The following SNAP25 variants were observed in gnomAD, a reference collection of about 807,000 sequenced individuals.
SNAP25 encodes synaptosomal-associated protein 25.
In SNAP25, 3 loss-of-function variants were observed where a neutral mutation model predicts 28.7. The ratio of observed to expected loss-of-function variants is 0.10; its 90% CI spans 0.05 to 0.27. The LOEUF (loss-of-function observed/expected upper bound fraction) is 0.27, where lower values mean the gene tolerates loss of function less well. Ranked by LOEUF, SNAP25 falls within the 10% of genes least tolerant of loss-of-function variation. SNAP25 has a pLI of 1.00. For synonymous variants in SNAP25, 61 were observed against 88.1 expected (o/e 0.69, Z 1.72); for missense variants, 117 against 278.7 (o/e 0.42, Z 4.13).
chr20:10,230,277 G>A (rs781335261), intron 1 of SNAP25, among the ~76,000 whole-genome samples: 5 of 152,098 alleles, frequency 3.3e-5, no homozygotes, highest in Non-Finnish European at 7.4e-5. Context: ...AAGGGGTGGA[G>A]GGAATATCAT....
In SNAP25 at chr20:10,307,211, A is replaced by T. The variant is rs2064382306; in HGVS notation, c.*1014A>T. Reference sequence around the variant, plus strand: ...TATCAGTACAATTCTTTGTTGCTTAATCTAGAGCTATGCACACCAAATTGC... The same window carrying T: ...TATCAGTACAATTCTTTGTTGCTTATTCTAGAGCTATGCACACCAAATTGC... On this transcript the variant is annotated 3_prime_UTR_variant, in exon 8 of 8. Transcript: ENST00000254976. 6.6e-6 allele frequency: 1 copy of T among 152,608 alleles called. No homozygotes were observed. Among genetic ancestry groups the T allele is most frequent in the Admixed American group, 6.5e-5 (1 of 15,278 alleles). 9.5% of individuals were successfully genotyped at this position (152,608 alleles called of 1,614,324 possible). A position where few individuals can be genotyped will look rare whatever the true frequency, so the allele number is the denominator to read the frequency against.
intron 4 of SNAP25, among the ~76,000 whole-genome samples, chr20:10,287,427 A>G (rs932241143): frequency 1.3e-5 from 2 of 151,876 alleles, no homozygotes; most frequent in African/African-American, 4.8e-5. Context: ...ATCACTGGCT[A>G]TCAGAGAAAT....
intron 1 of SNAP25, among the ~76,000 whole-genome samples, chr20:10,240,137 T>G (rs1450383585): frequency 1.3e-5 from 2 of 152,084 alleles, no homozygotes; most frequent in Non-Finnish European, 2.9e-5. Context: ...TTTGTAGAGT[T>G]CACTTCCTTG....
At chr20:10,281,883 A>G (rs531121746) in intron 3 of SNAP25, among the ~76,000 whole-genome samples, 27 of 152,224 alleles carry the variant, frequency 1.8e-4, no homozygotes, top group Non-Finnish European at 3.2e-4. Flanking sequence ...TCTCATAACT[A>G]CTGTGAGAAA....
chr20:10,291,583 A>C lies in SNAP25; in HGVS notation c.164-1578A>C, dbSNP rs143010801. On this transcript the variant is annotated intron_variant, in intron 4 of 7. Coordinates refer to ENST00000254976, the MANE Select transcript of SNAP25 (RefSeq NM_130811.4). ...TCTTTAGCCTCACGAAAGAAAACAC[A>C]GTAGGCTTTTATTTTCCAAATTCAC... Among the ~76,000 whole-genome samples the C allele has an allele frequency of 1.9e-3, 294 of 152,342 alleles. 1 individual carries two copies. The highest frequency in any genetic ancestry group is 6.8e-3 in the African/African-American group (281 of 41,590).
At chr20:10,269,827 A>T (rs2063561858) in intron 1 of SNAP25, among the ~76,000 whole-genome samples, 1 of 152,224 alleles carries the variant, frequency 6.6e-6, no homozygotes. Flanking sequence ...GAGTCTTTTA[A>T]ATCATTTTAA....
chr20:10,256,752 G>A (rs1253027400), intron 1 of SNAP25, among the ~76,000 whole-genome samples: 3 of 152,108 alleles, frequency 2.0e-5, no homozygotes, highest in African/African-American at 7.2e-5. Flanking sequence ...GAAAGGAAAG[G>A]AAAGGCTGGG....
chr20:10,306,506 C>A lies in SNAP25; in HGVS notation c.*309C>A, dbSNP rs1467696083. ...TGAATAACAACAATTTAGGAATGCT[C>A]AATGTGCTGTTGATTCTTTCAATCC... On this transcript the variant is annotated 3_prime_UTR_variant, in exon 8 of 8. Transcript: ENST00000254976. 1.2e-5 allele frequency: 3 copies of A among 256,294 alleles called. No homozygotes were observed. Among genetic ancestry groups the A allele is most frequent in the Non-Finnish European group, 2.2e-5 (3 of 133,802 alleles). 15.9% of individuals were successfully genotyped at this position (256,294 alleles called of 1,614,324 possible).
chr20:10,252,679 C>A (rs1297200336), intron 1 of SNAP25, among the ~76,000 whole-genome samples: 1 of 151,480 alleles, frequency 6.6e-6, no homozygotes, highest in African/African-American at 2.4e-5. Context: ...AAACAAGTTA[C>A]ATTCCCCTAA....
intron 3 of SNAP25, among the ~76,000 whole-genome samples, chr20:10,280,425 A>G (rs536486839): frequency 6.6e-6 from 1 of 152,340 alleles, no homozygotes; most frequent in South Asian, 2.1e-4. Flanking sequence ...CATTTCAACA[A>G]ATATTCACAG....
intron 1 of SNAP25, among the ~76,000 whole-genome samples, chr20:10,257,978 A>C (rs986276924): frequency 1.3e-5 from 2 of 152,230 alleles, no homozygotes; most frequent in African/African-American, 4.8e-5. Context: ...TATTACTAAG[A>C]AAAATTATCC....
At chr20:10,250,975 C>T (rs2063216275) in intron 1 of SNAP25, among the ~76,000 whole-genome samples, 2 of 152,196 alleles carry the variant, frequency 1.3e-5, no homozygotes, top group South Asian at 4.1e-4. Flanking sequence ...TGCCTAAGTA[C>T]ACACTATGAT....
At chr20:10,225,924 C>T (rs2062727907) in intron 1 of SNAP25, among the ~76,000 whole-genome samples, 1 of 151,786 alleles carries the variant, frequency 6.6e-6, no homozygotes, top group African/African-American at 2.4e-5. Context: ...CCCCTGAGGC[C>T]AGAGTTCAGC....
At chr20:10,275,407 T>A (rs1313916567) in intron 1 of SNAP25, 22 bp from the exon 2 acceptor site, 2 of 1,244,126 alleles carry the variant, frequency 1.6e-6, no homozygotes, top group Non-Finnish European at 2.2e-6. Flanking sequence ...GCTCTCATAT[T>A]TTCATATCTA....
rs1600781342 is a variant in SNAP25, at chr20:10,295,710, AC to A, written c.282-1213del. 5.9e-5 allele frequency among the ~76,000 whole-genome samples: 9 copies of A among 152,202 alleles called. No individual in the cohort carries two copies. In the East Asian group the frequency reaches 1.5e-3, roughly 26 times the overall value. On this transcript the variant is annotated intron_variant, in intron 5 of 7. Coordinates refer to ENST00000254976, the MANE Select transcript of SNAP25 (RefSeq NM_130811.4). The stretch of plus-strand genomic sequence containing the variant: ...TTACAAAAAAAAATGTGAAAATGGG[AC>A]CAAAGAATGTCTCTTGTTTTTGGAC...
intron 2 of SNAP25, among the ~76,000 whole-genome samples, chr20:10,275,923 A>G (rs2123006439): frequency 6.6e-6 from 1 of 152,334 alleles, no homozygotes; most frequent in East Asian, 1.9e-4. Context: ...GCTGGTTGCT[A>G]AATGCAGCCA....
intron 1 of SNAP25, among the ~76,000 whole-genome samples, chr20:10,235,921 A>C (rs779042324): frequency 1.3e-5 from 2 of 152,228 alleles, no homozygotes; most frequent in Non-Finnish European, 2.9e-5. Flanking sequence ...GTCTTTGTTG[A>C]GGCTACATTT....
At chr20:10,304,125 G>A (rs2064301195) in intron 7 of SNAP25, among the ~76,000 whole-genome samples, 1 of 152,190 alleles carries the variant, frequency 6.6e-6, no homozygotes, top group African/African-American at 2.4e-5. Flanking sequence ...GTGATGAATA[G>A]TGTGGACTCT....
chr20:10,240,264 A>G (rs1470325219), intron 1 of SNAP25, among the ~76,000 whole-genome samples: 1 of 152,188 alleles, frequency 6.6e-6, no homozygotes, highest in Non-Finnish European at 1.5e-5. Flanking sequence ...CAAGCCCAGC[A>G]GAAGAATCTC....
Sources: allele counts gnomAD v4.1 joint callset (sites outside exome capture counted in the v4.1 genomes callset), GRCh38; gene constraint gnomAD v4.1.1; transcripts MANE v1.5; gene names NCBI Gene and HGNC (gene_info 2026-07-23, HGNC 2026-07-21).